Variants in DOCK4 observed in about 807,000 individuals in gnomAD.
DOCK4 encodes the protein dedicator of cytokinesis 4, also known as dedicator of cytokinesis protein 4.
A neutral mutation model predicts 268.1 loss-of-function variants in DOCK4; 97 were observed. The ratio of observed to expected loss-of-function variants is 0.36; its 90% confidence interval spans 0.31 to 0.43. DOCK4 has a LOEUF of 0.43. DOCK4 is among the 20% of genes least tolerant of loss of function. The probability of loss-of-function intolerance (pLI) is 1.00; values close to 1 mark genes in which losing one functional copy is unlikely to be tolerated. For synonymous variants in DOCK4, 954 were observed against 887.2 expected (o/e 1.08, Z -1.34); for missense variants, 2,145 against 2,455.7 (o/e 0.87, Z 2.67).
intron 1 of DOCK4, among the ~76,000 whole-genome samples, chr7:112,144,536 G>T (rs547266330): frequency 6.6e-6 from 1 of 152,160 alleles, no homozygotes. Context: ...ATGGCACTAG[G>T]CATCCAGCTC....
At chr7:112,110,781 A>G (rs117565651) in intron 1 of DOCK4, among the ~76,000 whole-genome samples, 1,709 of 152,270 alleles carry the variant, frequency 0.011, 18 homozygotes, top group Admixed American at 0.02. Context: ...GTATAGACAC[A>G]GTATCCACTG....
At chr7:111,983,355 G>T (rs1044630633) in intron 7 of DOCK4, among the ~76,000 whole-genome samples, 1 of 152,028 alleles carries the variant, frequency 6.6e-6, no homozygotes, top group Non-Finnish European at 1.5e-5. Flanking sequence ...AAAGAGGCAG[G>T]ATCATCCAAA....
At chr7:111,776,422 G>T (rs1231064689) in intron 36 of DOCK4, among the ~76,000 whole-genome samples, 3 of 152,274 alleles carry the variant, frequency 2.0e-5, no homozygotes, top group South Asian at 4.1e-4. Flanking sequence ...CACTGGAAAG[G>T]CTCAATAGCT....
intron 1 of DOCK4, among the ~76,000 whole-genome samples, chr7:112,189,485 G>A (rs564585943): frequency 2.6e-5 from 4 of 152,216 alleles, no homozygotes; most frequent in Admixed American, 6.5e-5. Flanking sequence ...GCATTTAAAC[G>A]GAGTCTAGCA....
intron 36 of DOCK4, among the ~76,000 whole-genome samples, chr7:111,770,063 G>A (rs1311469951): frequency 3.3e-5 from 5 of 151,844 alleles, no homozygotes; most frequent in Non-Finnish European, 1.5e-5. Context: ...AGTTCCTTGG[G>A]GACTATGAGC....
chr7:111,749,744 A>G (rs1178449118), intron 42 of DOCK4, among the ~76,000 whole-genome samples: 1 of 152,236 alleles, frequency 6.6e-6, no homozygotes, highest in Non-Finnish European at 1.5e-5. Context: ...TTCACTTAGC[A>G]TTCAAAAAAT....
intron 23 of DOCK4, among the ~76,000 whole-genome samples, chr7:111,854,873 G>A (rs952107309): frequency 1.3e-5 from 2 of 152,334 alleles, no homozygotes; most frequent in South Asian, 2.1e-4. Context: ...GAGGGAAACA[G>A]ACGTTAATCA....
At chr7:111,860,597 C>G (rs901946381) in intron 23 of DOCK4, among the ~76,000 whole-genome samples, 3 of 150,518 alleles carry the variant, frequency 2.0e-5, no homozygotes, top group Admixed American at 1.3e-4. Context: ...AGGGTTTCCT[C>G]TTCTTCTCTT....
At chr7:112,125,817 T>TG (rs571114477) in intron 1 of DOCK4, among the ~76,000 whole-genome samples, 296 of 152,224 alleles carry the variant, frequency 1.9e-3, no homozygotes, top group African/African-American at 6.4e-3. Flanking sequence ...TTTTGTTTTT[T>TG]GTTTTTTTTT....
chr7:112,008,851 G>A (rs1427578176), intron 1 of DOCK4, among the ~76,000 whole-genome samples: 4 of 152,114 alleles, frequency 2.6e-5, no homozygotes, highest in African/African-American at 9.7e-5. Context: ...AAAAGTAGCT[G>A]GGCGTGGTGG....
intron 1 of DOCK4, among the ~76,000 whole-genome samples, chr7:112,175,279 A>C (rs1440528506): frequency 1.3e-5 from 2 of 152,160 alleles, no homozygotes; most frequent in Non-Finnish European, 2.9e-5. Flanking sequence ...AAACTATAAC[A>C]TGAGTCTCTA....
intron 27 of DOCK4, 21 bp from the exon 28 acceptor site, chr7:111,811,970 A>T: frequency 1.5e-6 from 2 of 1,374,006 alleles, no homozygotes; most frequent in Non-Finnish European, 2.0e-6. Context: ...AAAAAATGAC[A>T]AGGTGAAAAC....
chr7:111,728,722 T>G lies in DOCK4; in HGVS notation c.5482-2A>C. On this transcript the variant is annotated splice_acceptor_variant, in intron 52 of 52. Coordinates refer to ENST00000428084, the MANE Select transcript of DOCK4 (RefSeq NM_001363540.2). LOFTEE classifies it high-confidence loss of function. The stretch of plus-strand genomic sequence containing the variant: ...GGGGGTGAAAGACTGCACAGAGCCC[T>G]GCTCCGGGGAGAAGGAAACGAGAGG... 1.2e-6 allele frequency: 2 copies of G among 1,602,912 alleles called. No homozygotes were observed. The highest frequency in any genetic ancestry group is 1.7e-6 in the Non-Finnish European group (2 of 1,173,634).
chr7:111,834,054 G>C (rs546428516), intron 26 of DOCK4, among the ~76,000 whole-genome samples: 1 of 152,268 alleles, frequency 6.6e-6, no homozygotes, highest in East Asian at 1.9e-4. Context: ...GCAAATACTG[G>C]ATTTTTATAA....
At chr7:111,918,585 T>TA (rs985158890) in intron 12 of DOCK4, among the ~76,000 whole-genome samples, 1 of 152,168 alleles carries the variant, frequency 6.6e-6, no homozygotes, top group Non-Finnish European at 1.5e-5. Flanking sequence ...GATCCATCTG[T>TA]CCCAGCAGCT....
intron 31 of DOCK4, among the ~76,000 whole-genome samples, chr7:111,789,805 C>A (rs974943771): frequency 1.3e-5 from 2 of 152,094 alleles, no homozygotes; most frequent in Admixed American, 6.5e-5. Context: ...CAGGTTTGTG[C>A]CATGACTGTG....
intron 51 of DOCK4, among the ~76,000 whole-genome samples, chr7:111,734,689 TA>T (rs1213638611): frequency 1.3e-5 from 2 of 152,214 alleles, no homozygotes; most frequent in Non-Finnish European, 2.9e-5. Flanking sequence ...CAGTCCTGAA[TA>T]AGACTGAAGA....
chr7:111,912,251 T>C (rs942415353), intron 13 of DOCK4, among the ~76,000 whole-genome samples: 1 of 152,228 alleles, frequency 6.6e-6, no homozygotes, highest in Non-Finnish European at 1.5e-5. Context: ...AACAGTGGTT[T>C]AGAAGACCTC....
chr7:112,178,919 C>A (rs1818758898), intron 1 of DOCK4, among the ~76,000 whole-genome samples: 1 of 152,092 alleles, frequency 6.6e-6, no homozygotes, highest in Non-Finnish European at 1.5e-5. Flanking sequence ...CATGAGAAAT[C>A]AGGACAGTAT....
Sources: gnomAD v4.1 joint callset for allele counts (sites outside exome capture counted in the v4.1 genomes callset) on GRCh38, gnomAD v4.1.1 for gene constraint, MANE v1.5 for transcripts, NCBI Gene and HGNC (gene_info 2026-07-23, HGNC 2026-07-21) for gene names.